Variants in HABP4 observed in about 807,000 individuals in gnomAD.
The protein encoded by HABP4 is hyaluronan binding protein 4.
In HABP4, 32 loss-of-function variants were observed where a neutral mutation model predicts 44.1. That is an observed-to-expected ratio of 0.73 (90% CI 0.55 to 0.97). The LOEUF is 0.97. HABP4 is among the 50% of genes least tolerant of loss of function. HABP4 has a pLI of 0.00. For missense variants in HABP4, 503 were observed against 561.9 expected, an observed-to-expected ratio of 0.90 and a Z score of 1.06; for synonymous variants, 216 against 218.0, an observed-to-expected ratio of 0.99 and a Z score of 0.08.
chr9:96,462,145 C>CA lies in HABP4; in HGVS notation c.513-3177dup, dbSNP rs757601268. Among the ~76,000 whole-genome samples the CA allele has an allele frequency of 7.1e-3, 709 of 100,218 alleles. 4 individuals are homozygous for CA. Among genetic ancestry groups the CA allele is most frequent in the African/African-American group, 0.019 (492 of 26,036 alleles). 65.7% of individuals were successfully genotyped at this position (100,218 alleles called of 152,430 possible). On this transcript the variant is annotated intron_variant, in intron 2 of 7. Transcript: ENST00000375249. The stretch of plus-strand genomic sequence containing the variant: ...TGTGTGACATAGTGAGATTCTGTCT[C>CA]AAAAAAAAAAAAAAAGAATTTGTAG...
chr9:96,450,481 G>C lies in HABP4; in HGVS notation c.202G>C (p.Gly68Arg). ...CGAGGCGGCGGCGGCGGCCGGGGCC[G>C]GTCCCCGCGGCGGCAGGAGCCCAGC... ...RDEAAAAAGA[G>R]PRGGRSPAGA... Residue 68 changes from glycine to arginine, a missense_variant, in exon 1 of 8, where the codon GGT becomes CGT. Gly to Arg is a moderately radical substitution (Grantham distance 125). Around this residue, in one of 3 missense-constraint regions of HABP4, gnomAD observed 290 missense variants for 300.5 expected, o/e 0.97. Coordinates refer to ENST00000375249, the MANE Select transcript of HABP4 (RefSeq NM_014282.4). The surrounding 1 kb of genome is among the most constrained non-coding windows in gnomAD (Gnocchi z 4.8). 20 of 1,214,156 alleles carry C rather than the reference G, an allele frequency of 1.6e-5. No homozygotes were observed. Among genetic ancestry groups the C allele is most frequent in the Non-Finnish European group, 2.1e-5 (20 of 975,238 alleles). The allele number at this position is 1,214,156 out of a possible 1,614,324, so 75.2% of individuals were successfully genotyped here.
chr9:96,469,448 C>T (rs1011588141), intron 4 of HABP4, among the ~76,000 whole-genome samples: 1 of 152,186 alleles, frequency 6.6e-6, no homozygotes, highest in Non-Finnish European at 1.5e-5. Context: ...TAGGCATTTT[C>T]TGCACTAGTA....
intron 4 of HABP4, among the ~76,000 whole-genome samples, chr9:96,466,418 T>C (rs1477898214): frequency 6.6e-6 from 1 of 152,118 alleles, no homozygotes; most frequent in African/African-American, 2.4e-5. Flanking sequence ...TTTTTTAAAA[T>C]GGTGACAAGA....
chr9:96,458,882 A>G (rs1249440609), intron 2 of HABP4, among the ~76,000 whole-genome samples: 2 of 152,094 alleles, frequency 1.3e-5, no homozygotes, highest in African/African-American at 4.8e-5. Context: ...TTGGCCTGCC[A>G]AAAGTGCTGG....
rs372665907 is a variant in HABP4 at position 96,488,301 on chromosome 9, G to A, written c.1185+27G>A. On this transcript the variant is annotated intron_variant, in intron 7 of 7. Coordinates refer to ENST00000375249, the MANE Select transcript of HABP4 (RefSeq NM_014282.4). The surrounding 1 kb of genome is among the most constrained non-coding windows in gnomAD (Gnocchi z 4.6). Reference sequence around the variant, plus strand: ...TAGGTGTCTGTATTGACGGTTTGGCGAAAGAAGTTAATAAGGACAGTGCCC... The same window carrying A: ...TAGGTGTCTGTATTGACGGTTTGGCAAAAGAAGTTAATAAGGACAGTGCCC... The A allele has an allele frequency of 3.2e-4, 488 of 1,547,060 alleles. 2 individuals carry two copies. The highest frequency in any genetic ancestry group is 3.2e-3 in the African/African-American group (232 of 73,574).
At chr9:96,465,905 T>A in intron 4 of HABP4, 127 bp downstream of exon 4, 1 of 599,116 alleles carries the variant, frequency 1.7e-6, no homozygotes, top group South Asian at 2.2e-5. Context: ...TAGAGATTGA[T>A]TTTAGGCTTT....
intron 2 of HABP4, among the ~76,000 whole-genome samples, chr9:96,464,942 T>A (rs1426653203): frequency 6.6e-6 from 1 of 152,206 alleles, no homozygotes; most frequent in Non-Finnish European, 1.5e-5. Flanking sequence ...CGTTAGAATT[T>A]ATTTATCAAC....
chr9:96,475,969 C>T (rs995852069), intron 5 of HABP4, among the ~76,000 whole-genome samples: 1 of 152,182 alleles, frequency 6.6e-6, no homozygotes, highest in African/African-American at 2.4e-5. Flanking sequence ...AACCTACTTT[C>T]TTTGATTCAC....
intron 1 of HABP4, among the ~76,000 whole-genome samples, chr9:96,457,560 C>T (rs924296620): frequency 1.3e-5 from 2 of 152,174 alleles, no homozygotes; most frequent in African/African-American, 4.8e-5. Flanking sequence ...AATATAAGCA[C>T]TACAAACTTT....
chr9:96,485,961 G>A (rs1832968714), intron 6 of HABP4, among the ~76,000 whole-genome samples: 2 of 152,166 alleles, frequency 1.3e-5, no homozygotes, highest in African/African-American at 2.4e-5. Flanking sequence ...GGGAGGCCAA[G>A]GCAGGTGGAT....
Position 96,489,995 on chromosome 9 carries a change from C to T in HABP4, c.1199C>T (p.Ala400Val). 6.3e-7 allele frequency: 1 copy of T among 1,594,740 alleles called. No individual in the cohort carries two copies. Among genetic ancestry groups the T allele is most frequent in the Middle Eastern group, 1.7e-4 (1 of 6,030 alleles). The change falls in exon 8 of 8, where the codon GCC (alanine) becomes GTC (valine). Residue 400 changes from alanine to valine, a missense_variant. Transcript: ENST00000375249. ...PRAEVVMQDV[A>V]PNPDDPEDFP... ...TTTTTTCTTTAGATGCAAGATGTTG[C>T]CCCCAACCCAGATGACCCGGAAGAT... is the stretch of plus-strand genomic sequence containing the variant.
chr9:96,467,539 T>G (rs905664797), intron 4 of HABP4, among the ~76,000 whole-genome samples: 2 of 148,424 alleles, frequency 1.3e-5, no homozygotes, highest in African/African-American at 2.5e-5. Flanking sequence ...TTTTTTTTTT[T>G]TTTTGAGACG....
rs535235634 is a variant in HABP4 at position 96,467,454 on chromosome 9, G to A, written c.743+1676G>A. Among the ~76,000 whole-genome samples, 141 of 151,058 alleles carry A rather than the reference G, an allele frequency of 9.3e-4. 2 individuals are homozygous for A. The highest frequency in any genetic ancestry group is 3.2e-3 in the African/African-American group (132 of 41,282). On this transcript the variant is annotated intron_variant, in intron 4 of 7. Transcript: ENST00000375249. ...TTACTTTGATAATATATTTTAAAAA[G>A]TAATATAGGCACTTTCTTTCCTTCT... is the stretch of plus-strand genomic sequence containing the variant.
Position 96,450,268 on chromosome 9 carries a change from G to C in HABP4, c.-12G>C. 1 of 1,431,820 alleles carries C rather than the reference G, an allele frequency of 7.0e-7. No homozygotes were observed. Among genetic ancestry groups the C allele is most frequent in the South Asian group, 1.3e-5 (1 of 74,454 alleles). 88.7% of individuals were successfully genotyped at this position (1,431,820 alleles called of 1,614,324 possible). On this transcript the variant is annotated 5_prime_UTR_variant, in exon 1 of 8. Transcript: ENST00000375249. This position sits in a 1 kb window ranked among gnomAD's most constrained non-coding sequence, Gnocchi z 4.8. ...TGGGCTGCCCTCCCGGGCCCGCAGT[G>C]GTCGCGGCGGCATGAAGGGCGCTCT...
At position 96,456,800 on chromosome 9, in the gene HABP4, T is replaced by A. The variant is rs1299240515; in HGVS notation, c.350-1579T>A. On this transcript the variant is annotated intron_variant, in intron 1 of 7. Coordinates refer to ENST00000375249, the MANE Select transcript of HABP4 (RefSeq NM_014282.4). ...AAAAAAATATATATATATATATATA[T>A]ATATATATATATATATATATATCCA... Among the ~76,000 whole-genome samples the A allele has an allele frequency of 2.9e-3, 336 of 115,514 alleles. 9 individuals carry two copies. Among genetic ancestry groups the A allele is most frequent in the African/African-American group, 7.3e-3 (224 of 30,726 alleles). 75.8% of individuals were successfully genotyped at this position (115,514 alleles called of 152,430 possible).
Position 96,450,649 on chromosome 9 carries a change from T to A in HABP4, c.349+21T>A. 1.6e-6 allele frequency: 2 copies of A among 1,256,736 alleles called. No individual in the cohort carries two copies. Among genetic ancestry groups the A allele is most frequent in the Middle Eastern group, 3.1e-4 (1 of 3,262 alleles). 77.8% of individuals were successfully genotyped at this position (1,256,736 alleles called of 1,614,324 possible). Reference sequence around the variant, plus strand: ...GCCGGGTACGCGGGGACAGCGGGGTTAGCGGACCACGGCTCGGCCCGCTGT... The same window carrying A: ...GCCGGGTACGCGGGGACAGCGGGGTAAGCGGACCACGGCTCGGCCCGCTGT... On this transcript the variant is annotated intron_variant, in intron 1 of 7. Coordinates refer to ENST00000375249, the MANE Select transcript of HABP4 (RefSeq NM_014282.4). The surrounding 1 kb of genome is among the most constrained non-coding windows in gnomAD (Gnocchi z 4.8).
intron 4 of HABP4, 57 bp from the exon 5 acceptor site, chr9:96,470,954 C>A: frequency 3.2e-6 from 3 of 927,920 alleles, no homozygotes; most frequent in Non-Finnish European, 5.2e-6. Context: ...CTTAAACATA[C>A]AAAGGCATTG....
Position 96,450,329 on chromosome 9 carries a change from A to T in HABP4, c.50A>T (p.Gln17Leu). The T allele has an allele frequency of 7.7e-7, 1 of 1,300,928 alleles. No individual in the cohort carries two copies. The highest frequency in any genetic ancestry group is 1.0e-6 in the Non-Finnish European group (1 of 995,286). 80.6% of individuals were successfully genotyped at this position (1,300,928 alleles called of 1,614,324 possible). A position where few individuals can be genotyped will look rare whatever the true frequency, so the allele number is the denominator to read the frequency against. The stretch of plus-strand genomic sequence containing the variant: ...GTGGCTGCCGCTGGCGCCGCGATGC[A>T]GGAGAGTTTCGGCTGCGTGGTGGCC... Reference protein sequence around the residue: ...SPVAAAGAAMQESFGCVVANR... With the variant: ...SPVAAAGAAMLESFGCVVANR... The change falls in exon 1 of 8, where the codon CAG becomes CTG. Residue 17 changes from glutamine to leucine, a missense_variant. Around this residue, in one of 3 missense-constraint regions of HABP4, gnomAD observed 290 missense variants for 300.5 expected, o/e 0.97. Coordinates refer to ENST00000375249, the MANE Select transcript of HABP4 (RefSeq NM_014282.4). The surrounding 1 kb of genome is among the most constrained non-coding windows in gnomAD (Gnocchi z 4.8).
At chr9:96,485,507 C>T (rs973685697) in intron 6 of HABP4, among the ~76,000 whole-genome samples, 4 of 152,226 alleles carry the variant, frequency 2.6e-5, no homozygotes, top group African/African-American at 4.8e-5. Context: ...ACTGCCACAG[C>T]GGCCAGCGTG....
Sources: allele counts gnomAD v4.1 joint callset (sites outside exome capture counted in the v4.1 genomes callset), GRCh38; gene constraint gnomAD v4.1.1; regional missense constraint gnomAD v4.1.1; non-coding constraint Gnocchi (gnomAD v3.1); transcripts MANE v1.5; gene names NCBI Gene and HGNC (gene_info 2026-07-23, HGNC 2026-07-21).